Variants in LHFPL3 observed in about 807,000 individuals in gnomAD.
The protein encoded by LHFPL3 is LHFPL tetraspan subfamily member 3 protein.
LHFPL3 carries 5 observed loss-of-function variants against 19.3 expected under a neutral mutation model. That is an observed-to-expected ratio of 0.26 (90% CI 0.14 to 0.54). The LOEUF is 0.54. Among genes scored for constraint, LHFPL3 ranks in the 20% least tolerant of loss-of-function variants. LHFPL3 has a pLI of 0.94. For synonymous variants in LHFPL3, 133 were observed against 126.2 expected (o/e 1.05, Z -0.36); for missense variants, 249 against 307.4 (o/e 0.81, Z 1.42).
intron 1 of LHFPL3, among the ~76,000 whole-genome samples, chr7:104,639,116 T>G (rs1217239364): frequency 6.6e-6 from 1 of 152,156 alleles, no homozygotes; most frequent in Non-Finnish European, 1.5e-5. Context: ...TTTGAGAATT[T>G]TTACATCAAT....
chr7:104,586,104 G>A (rs184305215), intron 1 of LHFPL3, among the ~76,000 whole-genome samples: 3 of 152,190 alleles, frequency 2.0e-5, no homozygotes, highest in East Asian at 1.9e-4. Flanking sequence ...ATATCAGAAC[G>A]TCCATAAATT....
At chr7:104,496,238 C>T (rs190969828) in intron 1 of LHFPL3, among the ~76,000 whole-genome samples, 52 of 152,148 alleles carry the variant, frequency 3.4e-4, no homozygotes, top group Non-Finnish European at 3.5e-4. Flanking sequence ...TTTGTCCTTG[C>T]GATAGTTTGC....
chr7:104,754,307 A>G (rs1290118266), intron 2 of LHFPL3, among the ~76,000 whole-genome samples: 1 of 152,266 alleles, frequency 6.6e-6, no homozygotes, highest in East Asian at 1.9e-4. Flanking sequence ...AACCATCTTC[A>G]CTGTGCAAAA....
chr7:104,811,587 G>T (rs926777533), intron 2 of LHFPL3, among the ~76,000 whole-genome samples: 1 of 152,084 alleles, frequency 6.6e-6, no homozygotes, highest in Non-Finnish European at 1.5e-5. Context: ...GGAAAAAAAA[G>T]CTCAAAAAAG....
At chr7:104,747,635 CTA>C (rs1794074553) in intron 2 of LHFPL3, among the ~76,000 whole-genome samples, 1 of 152,172 alleles carries the variant, frequency 6.6e-6, no homozygotes, top group Non-Finnish European at 1.5e-5. Context: ...TCTTGGGAGA[CTA>C]TTCCCCCATT....
At chr7:104,641,489 C>A (rs181360819) in intron 1 of LHFPL3, among the ~76,000 whole-genome samples, 39 of 152,320 alleles carry the variant, frequency 2.6e-4, no homozygotes, top group Non-Finnish European at 4.7e-4. Context: ...AAGTAGCCAT[C>A]ATTTGTTCCA....
chr7:104,605,573 T>A (rs1210824941), intron 1 of LHFPL3, among the ~76,000 whole-genome samples: 2 of 152,150 alleles, frequency 1.3e-5, no homozygotes, highest in East Asian at 3.8e-4. Context: ...TGTGCACACA[T>A]ACACACTCAG....
Position 104,329,146 on chromosome 7 carries a change from A to G in LHFPL3, c.367A>G (p.Ile123Val), listed in dbSNP as rs754357431. ...GLSMMLIIAC[I>V]ICFTLFFFCN... is the part of the protein sequence containing the mutation. Reference sequence around the variant, plus strand: ...CTCCATGATGCTCATCATTGCCTGCATCATTTGCTTTACCCTCTTCTTCTT... The same window carrying G: ...CTCCATGATGCTCATCATTGCCTGCGTCATTTGCTTTACCCTCTTCTTCTT... The change falls in exon 1 of 3, where the codon ATC becomes GTC. Residue 123 changes from isoleucine (I) to valine (V), a missense_variant. Physicochemically the swap from Ile to Val is conservative, Grantham distance 29. Coordinates refer to ENST00000424859, the MANE Select transcript of LHFPL3 (RefSeq NM_199000.3). 2 of 1,614,054 alleles carry G rather than the reference A, an allele frequency of 1.2e-6. No individual in the cohort carries two copies. The highest frequency in any genetic ancestry group is 1.7e-6 in the Non-Finnish European group (2 of 1,179,894).
intron 1 of LHFPL3, among the ~76,000 whole-genome samples, chr7:104,333,526 G>C (rs1170629457): frequency 2.0e-5 from 3 of 152,158 alleles, no homozygotes; most frequent in African/African-American, 7.2e-5. Flanking sequence ...AGATGGCAAG[G>C]CTTTATGGCA....
chr7:104,718,219 G>A (rs780468650), intron 1 of LHFPL3, among the ~76,000 whole-genome samples: 4 of 152,092 alleles, frequency 2.6e-5, no homozygotes, highest in African/African-American at 4.8e-5. Flanking sequence ...CTAGAGATTC[G>A]TAGAACATTG....
intron 1 of LHFPL3, among the ~76,000 whole-genome samples, chr7:104,510,909 G>T (rs1793799791): frequency 6.6e-6 from 1 of 152,198 alleles, no homozygotes; most frequent in South Asian, 2.1e-4. Context: ...GAGAGTGGAG[G>T]GTGGGAGGAG....
rs1177249315 is a variant in LHFPL3, at chr7:104,329,162, T to C, written c.383T>C (p.Leu128Pro). Residue 128 changes from leucine to proline, a missense_variant, in exon 1 of 3, where the codon CTC (leucine) becomes CCC (proline). Transcript: ENST00000424859. ...ATTGCCTGCATCATTTGCTTTACCC[T>C]CTTCTTCTTCTGCAACACGGCCACT... is the stretch of plus-strand genomic sequence containing the variant. ...LIIACIICFT[L>P]FFFCNTATVY... is the part of the protein sequence containing the mutation. 1 of 1,613,762 alleles carries C rather than the reference T, an allele frequency of 6.2e-7. No homozygotes were observed. The highest frequency in any genetic ancestry group is 8.5e-7 in the Non-Finnish European group (1 of 1,179,788).
intron 2 of LHFPL3, among the ~76,000 whole-genome samples, chr7:104,775,852 C>CTTTTTT (rs11454604): frequency 6.8e-6 from 1 of 146,658 alleles, no homozygotes. Flanking sequence ...TCTTTTCTGT[C>CTTTTTT]TTTTTTTTTT....
chr7:104,657,047 A>G (rs1458797708), intron 1 of LHFPL3, among the ~76,000 whole-genome samples: 1 of 152,232 alleles, frequency 6.6e-6, no homozygotes, highest in African/African-American at 2.4e-5. Flanking sequence ...GCTGACTTTG[A>G]TGGCTCAATT....
intron 1 of LHFPL3, among the ~76,000 whole-genome samples, chr7:104,349,992 TG>T (rs1790142748): frequency 1.3e-5 from 2 of 152,202 alleles, no homozygotes; most frequent in Non-Finnish European, 2.9e-5. Flanking sequence ...AGTACTATTC[TG>T]GTGCTCTATG....
chr7:104,879,085 T>C (rs1461666824), intron 2 of LHFPL3, among the ~76,000 whole-genome samples: 2 of 152,156 alleles, frequency 1.3e-5, no homozygotes, highest in Non-Finnish European at 2.9e-5. Context: ...GGTCAGTTCA[T>C]GAAGCTTAAG....
intron 2 of LHFPL3, among the ~76,000 whole-genome samples, chr7:104,800,304 C>T (rs369069816): frequency 5.3e-5 from 8 of 152,272 alleles, no homozygotes; most frequent in African/African-American, 1.7e-4. Flanking sequence ...AAGAAGCTCT[C>T]CAAGGTCTGT....
chr7:104,774,330 A>T (rs1794607862), intron 2 of LHFPL3, among the ~76,000 whole-genome samples: 1 of 152,252 alleles, frequency 6.6e-6, no homozygotes, highest in Non-Finnish European at 1.5e-5. Flanking sequence ...AGTCTTCTAC[A>T]TACATTATAT....
At chr7:104,702,079 A>T (rs1793114358) in intron 1 of LHFPL3, among the ~76,000 whole-genome samples, 1 of 148,642 alleles carries the variant, frequency 6.7e-6, no homozygotes, top group African/African-American at 2.5e-5. Context: ...CCCTGTGTCC[A>T]TGTATTCTCA....
Sources: allele counts gnomAD v4.1 joint callset (sites outside exome capture counted in the v4.1 genomes callset), GRCh38; gene constraint gnomAD v4.1.1; transcripts MANE v1.5; gene names NCBI Gene and HGNC (gene_info 2026-07-23, HGNC 2026-07-21).